USP32: variants seen among roughly 807,000 people sequenced by gnomAD.
The protein encoded by USP32 is ubiquitin specific peptidase 32, also known as ubiquitin carboxyl-terminal hydrolase 32.
USP32 carries 59 observed loss-of-function variants against 204.8 expected under a neutral mutation model. The observed-to-expected ratio is 0.29, with a 90% CI of 0.23 to 0.36. The LOEUF (loss-of-function observed/expected upper bound fraction) is 0.36. Ranked by LOEUF, USP32 falls within the 10% of genes least tolerant of loss-of-function variation. The pLI, the probability that USP32 is intolerant of heterozygous loss-of-function variation, is 1.00. For missense variants in USP32, 1,160 were observed against 1,946.4 expected (o/e 0.60, Z 7.60); for synonymous variants, 517 against 678.4 (o/e 0.76, Z 3.70).
Position 60,181,361 on chromosome 17 carries a change from G to A in USP32, c.4511C>T (p.Thr1504Ile), listed in dbSNP as rs1471914733. The change falls in exon 32 of 34, where the codon ACT becomes ATT. Residue 1504 changes from threonine (T) to isoleucine (I), a missense_variant. Coordinates refer to ENST00000300896, the MANE Select transcript of USP32 (RefSeq NM_032582.4). ...EDSTDDQRED[T>I]RIKPIYNLYA... ...TAGATTATAAATAGGCTTAATACGA[G>A]TATCTTCTCTTTGGTCATCAGTGCT... 1 of 1,613,578 alleles carries A rather than the reference G, an allele frequency of 6.2e-7. No homozygotes were observed. The highest frequency in any genetic ancestry group is 8.5e-7 in the Non-Finnish European group (1 of 1,179,858).
At chr17:60,332,163 C>T (rs939767163) in intron 2 of USP32, among the ~76,000 whole-genome samples, 3 of 151,960 alleles carry the variant, frequency 2.0e-5, no homozygotes, top group East Asian at 3.9e-4. Context: ...GAGGCTGAGG[C>T]ACGAGACTCG....
rs2084163348 is a variant in USP32, at chr17:60,183,303, C to T, written c.3985G>A (p.Gly1329Arg). 3 of 1,613,842 alleles carry T rather than the reference C, an allele frequency of 1.9e-6. No homozygotes were observed. The highest frequency in any genetic ancestry group is 1.3e-5 in the African/African-American group (1 of 74,928). Residue 1329 changes from glycine (G) to arginine (R), a missense_variant, in exon 31 of 34, where the codon GGG (glycine) becomes AGG (arginine). This residue lies in a region of USP32 where 244 missense variants were observed against 342.3 expected (regional missense o/e 0.71). Coordinates refer to ENST00000300896, the MANE Select transcript of USP32 (RefSeq NM_032582.4). ...ATCCTGGGCTCAGAGAGCTCATCCCCCTGGGGTGTGAGTGGTTTATGCTGG... is the reference window on the plus strand; with the variant it reads ...ATCCTGGGCTCAGAGAGCTCATCCCTCTGGGGTGTGAGTGGTTTATGCTGG... ...LCQHKPLTPQGDELSEPRILA... is the reference protein window; with the variant it reads ...LCQHKPLTPQRDELSEPRILA...
chr17:60,395,479 G>A (rs1485431006), upstream of USP32, among the ~76,000 whole-genome samples: 3 of 152,200 alleles, frequency 2.0e-5, no homozygotes, highest in Non-Finnish European at 4.4e-5. Flanking sequence ...CAGTAGCAGG[G>A]AGTCAAATGT....
chr17:60,196,270 C>CAAAAAAAA (rs749074954), intron 27 of USP32, among the ~76,000 whole-genome samples: 3 of 129,220 alleles, frequency 2.3e-5, no homozygotes, highest in African/African-American at 1.0e-4. Context: ...ATCCCCACGC[C>CAAAAAAAA]AAAAAAAGAA....
At chr17:60,261,431 A>C (rs112601410) in intron 9 of USP32, among the ~76,000 whole-genome samples, 1 of 151,952 alleles carries the variant, frequency 6.6e-6, no homozygotes, top group Non-Finnish European at 1.5e-5. Flanking sequence ...TGGATCACTT[A>C]AGGTCAGGAG....
At chr17:60,312,911 ATACT>A (rs1241235465) in intron 2 of USP32, among the ~76,000 whole-genome samples, 1 of 152,168 alleles carries the variant, frequency 6.6e-6, no homozygotes, top group Non-Finnish European at 1.5e-5. Context: ...TGCATAAAAC[ATACT>A]TACTACTGAT....
chr17:60,376,650 A>G (rs1034915738), intron 1 of USP32, among the ~76,000 whole-genome samples: 2 of 151,854 alleles, frequency 1.3e-5, no homozygotes, highest in African/African-American at 4.8e-5. Context: ...TAGCCTCCCA[A>G]GTAGCTGGGA....
At chr17:60,316,250 CAA>C (rs139834899) in intron 2 of USP32, 113 of 143,450 alleles carry the variant, frequency 7.9e-4, no homozygotes, top group Middle Eastern at 3.5e-3. Flanking sequence ...ATTTCATTCT[CAA>C]AAAAAAAAAA....
At chr17:60,202,477 A>ACC in intron 26 of USP32, among the ~76,000 whole-genome samples, 1 of 151,668 alleles carries the variant, frequency 6.6e-6, no homozygotes. Flanking sequence ...ACACACACAC[A>ACC]CGCAGACTTT....
chr17:60,343,549 C>G (rs1434513213), intron 2 of USP32, among the ~76,000 whole-genome samples: 1 of 152,174 alleles, frequency 6.6e-6, no homozygotes, highest in African/African-American at 2.4e-5. Context: ...TCCTGAATGA[C>G]TACTGGGTAA....
At chr17:60,347,957 C>T (rs376842196) in intron 1 of USP32, among the ~76,000 whole-genome samples, 24 of 151,848 alleles carry the variant, frequency 1.6e-4, no homozygotes, top group Middle Eastern at 6.8e-3. Flanking sequence ...CCCGTCTCTA[C>T]TAAAAATACA....
intron 3 of USP32, among the ~76,000 whole-genome samples, chr17:60,296,718 C>T (rs2087438796): frequency 1.3e-5 from 2 of 152,136 alleles, no homozygotes; most frequent in Admixed American, 6.6e-5. Flanking sequence ...ACCAGTTGTA[C>T]CTCAGTATCT....
intron 29 of USP32, among the ~76,000 whole-genome samples, chr17:60,187,460 C>T (rs1243334421): frequency 6.6e-6 from 1 of 152,126 alleles, no homozygotes; most frequent in Non-Finnish European, 1.5e-5. Context: ...AACTGATGTG[C>T]TTCAAAAGGA....
chr17:60,214,955 T>TTTTGTTTG (rs113909630), intron 16 of USP32, among the ~76,000 whole-genome samples, 181 bp from the exon 17 acceptor site: 7,336 of 151,794 alleles, frequency 0.048, 196 homozygotes, highest in Middle Eastern at 0.11. Flanking sequence ...CCCAAGTTCT[T>TTTTGTTTG]TTTGTTTGTT....
At chr17:60,280,853 T>C (rs2086950937) in intron 5 of USP32, among the ~76,000 whole-genome samples, 1 of 152,234 alleles carries the variant, frequency 6.6e-6, no homozygotes, top group Non-Finnish European at 1.5e-5. Context: ...ATAGGTAATA[T>C]AAATCATAGT....
intron 2 of USP32, among the ~76,000 whole-genome samples, chr17:60,324,991 G>A (rs556488648): frequency 5.3e-5 from 8 of 152,026 alleles, no homozygotes; most frequent in South Asian, 2.1e-4. Context: ...CAACAAGAGC[G>A]AAACTCCATC....
At chr17:60,329,122 T>A (rs866969096) in intron 2 of USP32, among the ~76,000 whole-genome samples, 1 of 152,208 alleles carries the variant, frequency 6.6e-6, no homozygotes, top group South Asian at 2.1e-4. Context: ...TAAATATGTA[T>A]AATTATTAAG....
intron 10 of USP32, among the ~76,000 whole-genome samples, chr17:60,253,745 C>T (rs866090996): frequency 4.0e-5 from 6 of 151,544 alleles, no homozygotes; most frequent in Non-Finnish European, 5.9e-5. Flanking sequence ...CCAGCCTGGG[C>T]GACAGAGCAA....
intron 1 of USP32, among the ~76,000 whole-genome samples, chr17:60,400,949 G>A (rs1002617999): frequency 2.6e-5 from 4 of 152,140 alleles, no homozygotes; most frequent in African/African-American, 9.7e-5. Flanking sequence ...CTTGAGCCCA[G>A]CAGTTCGAGA....
Sources: allele counts gnomAD v4.1 joint callset (sites outside exome capture counted in the v4.1 genomes callset), GRCh38; gene constraint gnomAD v4.1.1; regional missense constraint gnomAD v4.1.1; transcripts MANE v1.5; gene names NCBI Gene and HGNC (gene_info 2026-07-23, HGNC 2026-07-21).